The following KLF12 variants were observed in gnomAD, a reference collection of about 807,000 sequenced individuals.
KLF12 encodes KLF transcription factor 12, also known as Krueppel-like factor 12.
Under a neutral mutation model 37.8 loss-of-function variants are expected in KLF12, and 9 were observed. The ratio of observed to expected loss-of-function variants is 0.24; its 90% CI spans 0.14 to 0.42. The LOEUF (loss-of-function observed/expected upper bound fraction) is 0.42, where lower values mean the gene tolerates loss of function less well. Among genes scored for constraint, KLF12 ranks in the 10% least tolerant of loss-of-function variants. KLF12 has a pLI of 1.00. For synonymous variants in KLF12, 208 were observed against 202.1 expected (o/e 1.03, Z -0.25); for missense variants, 411 against 516.0 (o/e 0.80, Z 1.97).
the KLF12 span, among the ~76,000 whole-genome samples, chr13:74,287,369 A>AGAGAGAGAGAGAGAGAGAGAGG: frequency 6.6e-6 from 1 of 150,950 alleles, no homozygotes; most frequent in Non-Finnish European, 1.5e-5. Flanking sequence ...AGAGAGAGAG[A>AGAGAGAGAGAGAGAGAGAGAGG]GAGAGAGAGA....
chr13:73,783,104 T>C (rs1020782326), intron 5 of KLF12, among the ~76,000 whole-genome samples: 1 of 152,078 alleles, frequency 6.6e-6, no homozygotes, highest in Non-Finnish European at 1.5e-5. Context: ...TTTCAGGTAA[T>C]GACCAATATA....
At chr13:74,003,309 G>C (rs932354824) in intron 1 of KLF12, among the ~76,000 whole-genome samples, 1 of 152,156 alleles carries the variant, frequency 6.6e-6, no homozygotes, top group Non-Finnish European at 1.5e-5. Flanking sequence ...GTAGATTTAA[G>C]TCTGAATTTG....
At chr13:74,015,092 T>C (rs1172087336) in intron 1 of KLF12, among the ~76,000 whole-genome samples, 1 of 152,132 alleles carries the variant, frequency 6.6e-6, no homozygotes, top group East Asian at 1.9e-4. Flanking sequence ...TAGTATGTAA[T>C]ATAAACAGTA....
chr13:73,778,645 G>C (rs912578929), intron 5 of KLF12, among the ~76,000 whole-genome samples: 1 of 152,118 alleles, frequency 6.6e-6, no homozygotes, highest in Non-Finnish European at 1.5e-5. Flanking sequence ...GATTACAAGC[G>C]TGAGCCACTG....
intron 5 of KLF12, among the ~76,000 whole-genome samples, chr13:73,786,635 C>T (rs760139882): frequency 2.2e-4 from 33 of 151,794 alleles, no homozygotes; most frequent in Non-Finnish European, 4.3e-4. Context: ...GTAATTCCAA[C>T]ACTTTGGGAG....
chr13:73,993,322 G>T (rs1193718015), intron 2 of KLF12, among the ~76,000 whole-genome samples: 3 of 152,134 alleles, frequency 2.0e-5, no homozygotes, highest in Non-Finnish European at 4.4e-5. Context: ...AGGCACAATT[G>T]TTCAGAATGA....
intron 5 of KLF12, among the ~76,000 whole-genome samples, chr13:73,777,959 C>A (rs1315910153): frequency 6.6e-6 from 1 of 151,584 alleles, no homozygotes; most frequent in East Asian, 2.0e-4. Flanking sequence ...TGGTGAAATG[C>A]CATCTCTACC....
rs1593910720 is a variant in KLF12, at chr13:74,112,763, A to C, written c.-32+20976T>G. On this transcript the variant is annotated intron_variant, in intron 1 of 7. Coordinates refer to ENST00000377669, the MANE Select transcript of KLF12 (RefSeq NM_007249.5). ...AATTAATAAACCTCAAAGGCCTCTA[A>C]GTGTTCAAGTAAAAGAAAGCATCAC... Among the ~76,000 whole-genome samples the C allele has an allele frequency of 2.0e-5, 3 of 152,280 alleles. No individual in the cohort carries two copies. The East Asian group carries it at 5.8e-4, about 29-fold the overall frequency.
chr13:74,023,480 T>C (rs751335268), intron 1 of KLF12, among the ~76,000 whole-genome samples: 8 of 152,192 alleles, frequency 5.3e-5, no homozygotes, highest in Non-Finnish European at 1.2e-4. Context: ...AAGTTGTTGG[T>C]AGGGCCACGT....
chr13:74,072,633 G>A (rs1874338203), intron 1 of KLF12, among the ~76,000 whole-genome samples: 1 of 149,258 alleles, frequency 6.7e-6, no homozygotes, highest in Non-Finnish European at 1.5e-5. Flanking sequence ...TACCTGGGAG[G>A]CTGAGGCAGA....
intron 3 of KLF12, among the ~76,000 whole-genome samples, chr13:73,896,893 TTA>T (rs1475319091): frequency 6.6e-6 from 1 of 152,190 alleles, no homozygotes; most frequent in African/African-American, 2.4e-5. Flanking sequence ...GACTTTCCTT[TTA>T]TTAGTTCTGT....
chr13:74,300,657 C>T, the KLF12 span, among the ~76,000 whole-genome samples: 59 of 152,124 alleles, frequency 3.9e-4, 1 homozygote, highest in Admixed American at 3.9e-4. Context: ...GAAGTCATCG[C>T]GTATAGCTTT....
intron 1 of KLF12, among the ~76,000 whole-genome samples, chr13:74,034,592 T>C (rs1188258519): frequency 6.6e-6 from 1 of 152,246 alleles, no homozygotes; most frequent in African/African-American, 2.4e-5. Flanking sequence ...AATTTCTAGA[T>C]TTGGAGTCAC....
At chr13:74,167,257 C>T in the KLF12 span, among the ~76,000 whole-genome samples, 1 of 152,176 alleles carries the variant, frequency 6.6e-6, no homozygotes, top group Non-Finnish European at 1.5e-5. Context: ...CTAGCAGGTT[C>T]TATGGGGAGA....
chr13:73,752,717 C>G (rs112522927), intron 6 of KLF12, among the ~76,000 whole-genome samples: 1 of 132,478 alleles, frequency 7.5e-6, no homozygotes, highest in Non-Finnish European at 1.6e-5. Flanking sequence ...CCCCTGCTCC[C>G]TTCCACATAT....
intron 1 of KLF12, among the ~76,000 whole-genome samples, chr13:74,056,732 C>T (rs543233711): frequency 6.6e-6 from 1 of 152,216 alleles, no homozygotes; most frequent in East Asian, 1.9e-4. Context: ...ACCAAAAAAG[C>T]CGAGATTACC....
rs1873853044 is a variant in KLF12 at position 73,692,020 on chromosome 13, T to C, written c.*3470A>G. On this transcript the variant is annotated 3_prime_UTR_variant, in exon 8 of 8. Coordinates refer to ENST00000377669, the MANE Select transcript of KLF12 (RefSeq NM_007249.5). ...CTTAAGCTTTCAAGTGAATGAAAAG[T>C]GCTCATTTTTTTAAAAAATGTGGTT... 1 of 152,624 alleles carries C rather than the reference T, an allele frequency of 6.6e-6. No individual in the cohort carries two copies. The highest frequency in any genetic ancestry group is 1.9e-4 in the East Asian group (1 of 5,198). The allele number at this position is 152,624 out of a possible 1,614,324, so 9.5% of individuals were successfully genotyped here.
the KLF12 span, among the ~76,000 whole-genome samples, chr13:74,148,491 C>T: frequency 2.1e-5 from 3 of 142,710 alleles, no homozygotes; most frequent in Admixed American, 7.0e-5. Flanking sequence ...TCACTCCCCC[C>T]CCACCCCACC....
the KLF12 span, among the ~76,000 whole-genome samples, chr13:74,234,913 G>A: frequency 6.6e-6 from 1 of 152,060 alleles, no homozygotes; most frequent in Non-Finnish European, 1.5e-5. Flanking sequence ...GAATCTTAGA[G>A]ATAGTTCTGA....
Sources: allele counts gnomAD v4.1 joint callset (sites outside exome capture counted in the v4.1 genomes callset), GRCh38; gene constraint gnomAD v4.1.1; transcripts MANE v1.5; gene names NCBI Gene and HGNC (gene_info 2026-07-23, HGNC 2026-07-21).